The following MINK1 variants were observed in gnomAD, a reference collection of about 807,000 sequenced individuals.
The protein encoded by MINK1 is misshapen like kinase 1, also known as misshapen-like kinase 1.
Under a neutral mutation model 178.4 loss-of-function variants are expected in MINK1, and 46 were observed. The observed-to-expected ratio is 0.26, with a 90% CI of 0.20 to 0.33. MINK1 has a LOEUF of 0.33. Among genes scored for constraint, MINK1 ranks in the 10% least tolerant of loss-of-function variants. The pLI is 1.00. For synonymous variants in MINK1, 797 were observed against 709.7 expected (o/e 1.12, Z -1.96); for missense variants, 1,366 against 1,814.9 (o/e 0.75, Z 4.49).
intron 1 of MINK1, among the ~76,000 whole-genome samples, chr17:4,869,531 C>G (rs1200569355): frequency 6.6e-6 from 1 of 151,960 alleles, no homozygotes; most frequent in Non-Finnish European, 1.5e-5. Flanking sequence ...CCTGCCTCGG[C>G]CTCCCAAAGT....
Position 4,886,545 on chromosome 17 carries a change from C to T in MINK1, c.868C>T (p.Arg290Trp), listed in dbSNP as rs1361010127. 4 of 1,613,548 alleles carry T rather than the reference C, an allele frequency of 2.5e-6. No individual in the cohort carries two copies. Among genetic ancestry groups the T allele is most frequent in the African/African-American group, 2.7e-5 (2 of 74,902 alleles). The change falls in exon 10 of 32, where the codon CGG (arginine) becomes TGG (tryptophan). Residue 290 changes from arginine (R) to tryptophan (W), a missense_variant. Around this residue, in one of 14 missense-constraint regions of MINK1, gnomAD observed 109 missense variants for 369.4 expected, o/e 0.30. Transcript: ENST00000355280. The surrounding 1 kb of genome is among the most constrained non-coding windows in gnomAD (Gnocchi z 6.1). ...TEQLLKFPFI[R>W]DQPTERQVRI... Reference sequence around the variant, plus strand: ...GCAGCTACTGAAGTTTCCCTTCATCCGGGACCAGCCCACGGAGCGGCAGGT... The same window carrying T: ...GCAGCTACTGAAGTTTCCCTTCATCTGGGACCAGCCCACGGAGCGGCAGGT...
chr17:4,848,470 C>A (rs946065504), intron 1 of MINK1, among the ~76,000 whole-genome samples: 30 of 152,238 alleles, frequency 2.0e-4, no homozygotes, highest in Non-Finnish European at 4.0e-4. Flanking sequence ...ATGCCATTCT[C>A]CTGCCTCAGC....
At chr17:4,875,053 C>T (rs750123930) in intron 1 of MINK1, 1 of 520,104 alleles carries the variant, frequency 1.9e-6, no homozygotes, top group South Asian at 1.4e-5. Flanking sequence ...CTCCCTCCTT[C>T]TCAGAAAGAG....
At chr17:4,892,313 G>A in intron 17 of MINK1, 79 bp downstream of exon 17, 1 of 1,454,406 alleles carries the variant, frequency 6.9e-7, no homozygotes, top group South Asian at 1.2e-5. Flanking sequence ...GACTTTACCA[G>A]CCTACCCGCC....
Position 4,886,382 on chromosome 17 carries a change from C to G in MINK1, c.774-69C>G. 1 of 1,545,258 alleles carries G rather than the reference C, an allele frequency of 6.5e-7. No individual in the cohort carries two copies. Among genetic ancestry groups the G allele is most frequent in the East Asian group, 2.3e-5 (1 of 44,360 alleles). On this transcript the variant is annotated intron_variant, in intron 9 of 31. Coordinates refer to ENST00000355280, the MANE Select transcript of MINK1 (RefSeq NM_153827.5). This position sits in a 1 kb window ranked among gnomAD's most constrained non-coding sequence, Gnocchi z 6.1. ...TCAAGGTGGCTTGTGGATGAATGAT[C>G]CACCCTCTTCCTCCTGCACCCATCC...
chr17:4,839,938 AATGTGTGTGT>A (rs1455027308), intron 1 of MINK1, among the ~76,000 whole-genome samples: 5 of 102,288 alleles, frequency 4.9e-5, no homozygotes, highest in African/African-American at 8.3e-5. Context: ...ATTATTTATT[AATGTGTGTGT>A]GTGTGTGTGT....
intron 1 of MINK1, chr17:4,859,018 C>T (rs1913676303): frequency 1.7e-6 from 1 of 604,658 alleles, no homozygotes; most frequent in African/African-American, 2.0e-5. Flanking sequence ...CCACCTCCTG[C>T]CCTGTTTCCT....
chr17:4,849,861 C>T (rs1326503069), intron 1 of MINK1, among the ~76,000 whole-genome samples: 1 of 152,214 alleles, frequency 6.6e-6, no homozygotes, highest in Middle Eastern at 3.2e-3. Flanking sequence ...GTGTGAGCCA[C>T]CGCGCCCGGC....
Position 4,892,460 on chromosome 17 carries a change from C to T in MINK1, c.2146C>T (p.Pro716Ser). Reference protein sequence around the residue: ...YLQRRAERGTPKPPGPPAQPP... With the variant: ...YLQRRAERGTSKPPGPPAQPP... ...GCAAAGGCGGGCAGAGCGGGGCACC[C>T]CAAAGCCTCCAGGGCCCCCTGCTCA... The change falls in exon 18 of 32, where the codon CCA becomes TCA. Residue 716 changes from proline (P) to serine (S), a missense_variant. This residue lies in a region of MINK1 where 709 missense variants were observed against 692.3 expected (regional missense o/e 1.02). Coordinates refer to ENST00000355280, the MANE Select transcript of MINK1 (RefSeq NM_153827.5). The T allele has an allele frequency of 1.9e-6, 3 of 1,565,902 alleles. No individual in the cohort carries two copies. The highest frequency in any genetic ancestry group is 2.6e-6 in the Non-Finnish European group (3 of 1,156,216).
intron 1 of MINK1, among the ~76,000 whole-genome samples, chr17:4,863,780 C>CATT (rs151245503): frequency 0.67 from 99,656 of 148,822 alleles, 35,732 homozygotes; most frequent in Non-Finnish European, 0.82. Flanking sequence ...CTAGCTGTCT[C>CATT]ATTATTATTA....
Position 4,833,384 on chromosome 17 carries a change from G to T in MINK1, c.-200G>T. 2 of 516,962 alleles carry T rather than the reference G, an allele frequency of 3.9e-6. No individual in the cohort carries two copies. Among genetic ancestry groups the T allele is most frequent in the Non-Finnish European group, 6.8e-6 (2 of 294,298 alleles). 32.0% of individuals were successfully genotyped at this position (516,962 alleles called of 1,614,324 possible). A position where few individuals can be genotyped will look rare whatever the true frequency, so the allele number is the denominator to read the frequency against. On this transcript the variant is annotated 5_prime_UTR_variant, in exon 1 of 32. Coordinates refer to ENST00000355280, the MANE Select transcript of MINK1 (RefSeq NM_153827.5). The surrounding 1 kb of genome is among the most constrained non-coding windows in gnomAD (Gnocchi z 4.8). The stretch of plus-strand genomic sequence containing the variant: ...CCTGCGCAGGAGAGGTGGTAGGCTC[G>T]GGTGGCTGGCTCCGGGGAGATAGCG...
chr17:4,833,513 C>T lies in MINK1; in HGVS notation c.-71C>T. 7.6e-7 allele frequency: 1 copy of T among 1,309,278 alleles called. No individual in the cohort carries two copies. The highest frequency in any genetic ancestry group is 1.0e-6 in the Non-Finnish European group (1 of 966,152). The allele number at this position is 1,309,278 out of a possible 1,614,324, so 81.1% of individuals were successfully genotyped here. On this transcript the variant is annotated 5_prime_UTR_variant, in exon 1 of 32. Transcript: ENST00000355280. This position sits in a 1 kb window ranked among gnomAD's most constrained non-coding sequence, Gnocchi z 4.8. Reference sequence around the variant, plus strand: ...CCGGGGTTCTCCGATGGGGGAGAAGCGGCGACGGCGGCAGTGGAGTAACCG... The same window carrying T: ...CCGGGGTTCTCCGATGGGGGAGAAGTGGCGACGGCGGCAGTGGAGTAACCG...
intron 1 of MINK1, chr17:4,875,013 A>G (rs1039615288): frequency 1.9e-5 from 10 of 519,358 alleles, no homozygotes; most frequent in Middle Eastern, 3.2e-4. Context: ...GAGTGTTCAG[A>G]AAATTATGAC....
intron 4 of MINK1, among the ~76,000 whole-genome samples, chr17:4,882,166 C>A (rs764391624): frequency 6.6e-6 from 1 of 152,222 alleles, no homozygotes; most frequent in Non-Finnish European, 1.5e-5. Context: ...AGTGGCCGGG[C>A]GCCCCCTTCT....
chr17:4,845,011 C>T (rs1910806054), intron 1 of MINK1, among the ~76,000 whole-genome samples: 1 of 152,176 alleles, frequency 6.6e-6, no homozygotes, highest in African/African-American at 2.4e-5. Flanking sequence ...AACACTGACT[C>T]TCTGAACCCT....
chr17:4,892,348 A>G, intron 17 of MINK1, 54 bp from the exon 18 acceptor site: 4 of 1,439,768 alleles, frequency 2.8e-6, no homozygotes, highest in Non-Finnish European at 3.8e-6. Flanking sequence ...CCCCAGCCCC[A>G]TCACCTCAGC....
intron 1 of MINK1, among the ~76,000 whole-genome samples, chr17:4,858,865 G>C (rs1004883579): frequency 2.6e-5 from 4 of 152,190 alleles, no homozygotes; most frequent in Admixed American, 2.6e-4. Flanking sequence ...CTTTTTGGAA[G>C]TACAAGGAGC....
At chr17:4,869,533 T>A (rs917127585) in intron 1 of MINK1, among the ~76,000 whole-genome samples, 18 of 151,984 alleles carry the variant, frequency 1.2e-4, no homozygotes, top group African/African-American at 4.3e-4. Context: ...TGCCTCGGCC[T>A]CCCAAAGTGC....
rs1421753570 is a variant in MINK1, at chr17:4,887,231, G to A, written c.1019+52G>A. 2.6e-6 allele frequency: 4 copies of A among 1,513,000 alleles called. No individual in the cohort carries two copies. Among genetic ancestry groups the A allele is most frequent in the Non-Finnish European group, 1.8e-6 (2 of 1,110,146 alleles). 93.7% of individuals were successfully genotyped at this position (1,513,000 alleles called of 1,614,324 possible). ...TGGGGCGGTCATCGCTGAGTGGGGGGACTACAGTGGTGCTTGGCTTTGGGG... is the reference window on the plus strand; with the variant it reads ...TGGGGCGGTCATCGCTGAGTGGGGGAACTACAGTGGTGCTTGGCTTTGGGG... On this transcript the variant is annotated intron_variant, in intron 11 of 31. Transcript: ENST00000355280. This position sits in a 1 kb window ranked among gnomAD's most constrained non-coding sequence, Gnocchi z 7.6.
Sources: gnomAD v4.1 joint callset for allele counts (sites outside exome capture counted in the v4.1 genomes callset) on GRCh38, gnomAD v4.1.1 for gene constraint, gnomAD v4.1.1 regional missense constraint, Gnocchi (gnomAD v3.1) non-coding constraint, MANE v1.5 for transcripts, NCBI Gene and HGNC (gene_info 2026-07-23, HGNC 2026-07-21) for gene names.